Variants in GATA4 observed in about 807,000 individuals in gnomAD.
The protein encoded by GATA4 is transcription factor GATA-4.
In GATA4, 7 loss-of-function variants were observed where a neutral mutation model predicts 37.9. The observed-to-expected ratio is 0.18, with a 90% confidence interval of 0.11 to 0.35. The LOEUF is 0.35. Ranked by LOEUF, GATA4 falls within the 10% of genes least tolerant of loss-of-function variation. The probability of loss-of-function intolerance (pLI) is 1.00; values close to 1 mark genes in which losing one functional copy is unlikely to be tolerated. For synonymous variants in GATA4, 372 were observed against 292.6 expected, an observed-to-expected ratio of 1.27 and a Z score of -2.77; for missense variants, 647 against 653.0, an observed-to-expected ratio of 0.99 and a Z score of 0.10.
intron 2 of GATA4, among the ~76,000 whole-genome samples, chr8:11,747,288 G>A (rs1463435700): frequency 1.3e-5 from 2 of 152,172 alleles, no homozygotes; most frequent in Admixed American, 6.5e-5. Context: ...CAAGAAAACT[G>A]GCCCAGCCTG....
intron 4 of GATA4, among the ~76,000 whole-genome samples, chr8:11,753,551 C>T (rs767945189): frequency 1.5e-4 from 22 of 148,744 alleles, no homozygotes; most frequent in Middle Eastern, 3.5e-3. Context: ...GGAGATTCTT[C>T]TGAGGCCAGA....
intron 2 of GATA4, among the ~76,000 whole-genome samples, chr8:11,742,387 T>G (rs1177946359): frequency 7.8e-6 from 1 of 128,114 alleles, no homozygotes; most frequent in Non-Finnish European, 1.9e-5. Context: ...GTGTTTTGTT[T>G]TTTTTTTTTC....
upstream of GATA4, chr8:11,691,992 C>G (rs1799328590): frequency 2.0e-6 from 2 of 983,404 alleles, no homozygotes; most frequent in African/African-American, 1.7e-5. Context: ...TCCTTTAATT[C>G]TCATTCAGGG....
chr8:11,758,584 C>G lies in GATA4; in HGVS notation c.*109C>G. ...CGGCCTCCTCTGCCTGGTAATGACTCCAGAACAACAACTGGGAAGAAACTT... is the reference window on the plus strand; with the variant it reads ...CGGCCTCCTCTGCCTGGTAATGACTGCAGAACAACAACTGGGAAGAAACTT... On this transcript the variant is annotated 3_prime_UTR_variant, in exon 7 of 7. Coordinates refer to ENST00000532059, the MANE Select transcript of GATA4 (RefSeq NM_001308093.3). 9.5e-7 allele frequency: 1 copy of G among 1,047,464 alleles called. No homozygotes were observed. The highest frequency in any genetic ancestry group is 1.5e-6 in the Non-Finnish European group (1 of 675,854). The allele number at this position is 1,047,464 out of a possible 1,614,324, so 64.9% of individuals were successfully genotyped here. A position where few individuals can be genotyped will look rare whatever the true frequency, so the allele number is the denominator to read the frequency against.
rs1261708736 is a variant in GATA4 at position 11,678,171 on chromosome 8, T to G, written c.-274+1108T>G. 2.0e-5 allele frequency among the ~76,000 whole-genome samples: 3 copies of G among 152,202 alleles called. No homozygotes were observed. The East Asian group carries it at 5.8e-4, about 29-fold the overall frequency. ...CCAAGTTTCCTGTGCCTAGTCCACATGCTCGCAGGTTGAAAGCAGACAACA... is the reference window on the plus strand; with the variant it reads ...CCAAGTTTCCTGTGCCTAGTCCACAGGCTCGCAGGTTGAAAGCAGACAACA... On this transcript the variant is annotated intron_variant, in intron 1 of 6. Transcript: ENST00000528712.
chr8:11,745,731 T>C (rs906504356), intron 2 of GATA4, among the ~76,000 whole-genome samples: 5 of 152,202 alleles, frequency 3.3e-5, no homozygotes, highest in African/African-American at 1.2e-4. Flanking sequence ...TTCACTTAAA[T>C]GAACCAGAAT....
intron 4 of GATA4, 69 bp from the exon 5 acceptor site, chr8:11,754,977 G>C: frequency 8.0e-7 from 1 of 1,243,704 alleles, no homozygotes; most frequent in South Asian, 1.2e-5. Context: ...CAGCAGGTGT[G>C]TGTCTTTCAA....
chr8:11,725,237 A>T (rs948939044), intron 2 of GATA4, among the ~76,000 whole-genome samples: 1 of 152,276 alleles, frequency 6.6e-6, no homozygotes, highest in Non-Finnish European at 1.5e-5. Flanking sequence ...CCTCCCCAGC[A>T]GGGACTTAGA....
chr8:11,741,558 G>A (rs1585667742), intron 2 of GATA4, among the ~76,000 whole-genome samples: 1 of 152,154 alleles, frequency 6.6e-6, no homozygotes, highest in Admixed American at 6.5e-5. Context: ...CTATGGCATT[G>A]TGATTGCAGA....
At chr8:11,713,804 G>C (rs143898999) in intron 2 of GATA4, among the ~76,000 whole-genome samples, 460 of 152,354 alleles carry the variant, frequency 3.0e-3, no homozygotes, top group Non-Finnish European at 5.5e-3. Context: ...GGAAGCACTT[G>C]TGGTGGAGCT....
Position 11,756,981 on chromosome 8 carries a change from C to T in GATA4, c.1047C>T (p.Ser349=). The part of the protein sequence containing the change: ...ESLPPASGAS[S]NSSNATTSSS... ...TTCCTCCCGCCAGCGGTGCTTCCAGCAACTCCAGCAACGCCACCACCAGCA... is the reference window on the plus strand; with the variant it reads ...TTCCTCCCGCCAGCGGTGCTTCCAGTAACTCCAGCAACGCCACCACCAGCA... The change falls in exon 6 of 7, where the codon AGC becomes AGT. Residue 349 remains serine, a synonymous_variant. Coordinates refer to ENST00000532059, the MANE Select transcript of GATA4 (RefSeq NM_001308093.3). 2 of 1,614,254 alleles carry T rather than the reference C, an allele frequency of 1.2e-6. No individual in the cohort carries two copies. The highest frequency in any genetic ancestry group is 1.7e-6 in the Non-Finnish European group (2 of 1,180,050).
rs547241795 is a variant in GATA4, at chr8:11,718,620, G to C, written c.616+9692G>C. On this transcript the variant is annotated intron_variant, in intron 2 of 6. Transcript: ENST00000532059. The stretch of plus-strand genomic sequence containing the variant: ...TTCCTTTGTACTCAAGCTTCCTCAC[G>C]ATTCTTCCAGGCAGATCAAAGCCAT... Among the ~76,000 whole-genome samples, 6 of 152,300 alleles carry C rather than the reference G, an allele frequency of 3.9e-5. No homozygotes were observed. In the South Asian group the frequency reaches 1.2e-3, roughly 32 times the overall value.
chr8:11,682,312 A>G (rs1339963716), intron 1 of GATA4, among the ~76,000 whole-genome samples: 1 of 152,238 alleles, frequency 6.6e-6, no homozygotes, highest in Non-Finnish European at 1.5e-5. Flanking sequence ...TGGTAGAAAT[A>G]GATAACTTTG....
chr8:11,722,690 C>G (rs896653002), intron 2 of GATA4, among the ~76,000 whole-genome samples: 36 of 152,316 alleles, frequency 2.4e-4, no homozygotes, highest in African/African-American at 8.2e-4. Flanking sequence ...ACATATTCCT[C>G]TGTCCCCTGT....
At chr8:11,692,836 G>A in intron 1 of GATA4, 1 of 981,732 alleles carries the variant, frequency 1.0e-6, no homozygotes, top group Non-Finnish European at 1.2e-6. Context: ...AGAGGCGGGG[G>A]CGGCCGGCCG....
chr8:11,683,475 T>C (rs1279855487), intron 1 of GATA4, among the ~76,000 whole-genome samples: 1 of 152,178 alleles, frequency 6.6e-6, no homozygotes, highest in Non-Finnish European at 1.5e-5. Flanking sequence ...CATTGTCTCA[T>C]TCAAACTCAC....
intron 2 of GATA4, among the ~76,000 whole-genome samples, chr8:11,738,976 C>T (rs1057446926): frequency 3.3e-5 from 5 of 152,360 alleles, no homozygotes; most frequent in African/African-American, 4.8e-5. Flanking sequence ...GAGGGCCTCT[C>T]CCTTTCTTTC....
Position 11,757,050 on chromosome 8 carries a change from A to G in GATA4, c.1116A>G (p.Ser372=), listed in dbSNP as rs112435835. The change falls in exon 6 of 7, where the codon TCA becomes TCG. Residue 372 remains serine, a synonymous_variant. Transcript: ENST00000532059. ...MRPIKTEPGL[S]SHYGHSSSVS... Reference sequence around the variant, plus strand: ...CCATCAAGACGGAGCCTGGCCTGTCATCTCACTACGGGCACAGCAGCTCCG... The same window carrying G: ...CCATCAAGACGGAGCCTGGCCTGTCGTCTCACTACGGGCACAGCAGCTCCG... 2,521 of 1,614,176 alleles carry G rather than the reference A, an allele frequency of 1.6e-3. 47 individuals are homozygous for G. The African/African-American group carries it at 0.031, about 20-fold the overall frequency.
chr8:11,731,442 G>C (rs1801203936), intron 2 of GATA4, among the ~76,000 whole-genome samples: 1 of 152,204 alleles, frequency 6.6e-6, no homozygotes, highest in South Asian at 2.1e-4. Flanking sequence ...GATGAATCCT[G>C]AAGACATTAC....
Sources: allele counts gnomAD v4.1 joint callset (sites outside exome capture counted in the v4.1 genomes callset), GRCh38; gene constraint gnomAD v4.1.1; transcripts MANE v1.5; gene names NCBI Gene and HGNC (gene_info 2026-07-23, HGNC 2026-07-21).